Variants in TOP1 observed in about 807,000 individuals in gnomAD.
TOP1 encodes the protein DNA topoisomerase I, also known as DNA topoisomerase 1.
Under a neutral mutation model 111.1 loss-of-function variants are expected in TOP1, and 10 were observed. The ratio of observed to expected loss-of-function variants is 0.09; its 90% confidence interval spans 0.06 to 0.15. The LOEUF is 0.15. TOP1 is among the 10% of genes least tolerant of loss of function. The probability of loss-of-function intolerance (pLI) is 1.00; values close to 1 mark genes in which losing one functional copy is unlikely to be tolerated. For missense variants in TOP1, 474 were observed against 926.7 expected, an observed-to-expected ratio of 0.51 and a Z score of 6.34; for synonymous variants, 271 against 302.9, an observed-to-expected ratio of 0.89 and a Z score of 1.10.
At chr20:41,072,474 C>G in intron 3 of TOP1, 1 of 985,430 alleles carries the variant, frequency 1.0e-6, no homozygotes, top group Non-Finnish European at 1.2e-6. Flanking sequence ...GCCTGACTGA[C>G]CCCACATTGA....
rs2145950078 is a variant in TOP1 at position 41,098,351 on chromosome 20, T to C, written c.975+14T>C. ...GAAGAGAAACTGGTACTACAGAATT[T>C]ATTAAACCTCTGGAGAATTCTGGAA... On this transcript the variant is annotated intron_variant, in intron 11 of 20. Transcript: ENST00000361337. This position sits in a 1 kb window ranked among gnomAD's most constrained non-coding sequence, Gnocchi z 5.7. The C allele has an allele frequency of 6.2e-7, 1 of 1,607,782 alleles. No individual in the cohort carries two copies. The highest frequency in any genetic ancestry group is 2.2e-5 in the East Asian group (1 of 44,828).
intron 2 of TOP1, among the ~76,000 whole-genome samples, chr20:41,031,623 T>A (rs561021187): frequency 5.7e-4 from 87 of 152,342 alleles, no homozygotes; most frequent in African/African-American, 2.0e-3. Context: ...ATCATCTAAT[T>A]AAATGTAATC....
At chr20:41,059,338 T>C (rs1274213498) in intron 2 of TOP1, among the ~76,000 whole-genome samples, 1 of 151,444 alleles carries the variant, frequency 6.6e-6, no homozygotes, top group African/African-American at 2.4e-5. Flanking sequence ...AAAAATGGTG[T>C]TAGAACAACT....
chr20:41,093,035 A>G (rs1054564102), intron 9 of TOP1, among the ~76,000 whole-genome samples: 1 of 152,372 alleles, frequency 6.6e-6, no homozygotes, highest in African/African-American at 2.4e-5. Context: ...TCTGCCATCC[A>G]TCTCTAGATA....
intron 18 of TOP1, among the ~76,000 whole-genome samples, chr20:41,120,039 C>T (rs2145972067): frequency 6.6e-6 from 1 of 152,348 alleles, no homozygotes; most frequent in Admixed American, 6.5e-5. Flanking sequence ...CCCTCCAAAC[C>T]CAGGATTCCT....
At chr20:41,086,274 AAAG>A (rs2033847871) in intron 8 of TOP1, among the ~76,000 whole-genome samples, 1 of 151,718 alleles carries the variant, frequency 6.6e-6, no homozygotes, top group Admixed American at 6.6e-5. Context: ...AAAAAAAAAA[AAAG>A]AAAAAAAACC....
chr20:41,040,569 C>T (rs1434710837), intron 2 of TOP1, among the ~76,000 whole-genome samples: 1 of 152,092 alleles, frequency 6.6e-6, no homozygotes, highest in Non-Finnish European at 1.5e-5. Flanking sequence ...CAGGGCCAGG[C>T]ACCCCACACT....
rs190515367 is a variant in TOP1 at position 41,121,586 on chromosome 20, C to T, written c.1951-110C>T. On this transcript the variant is annotated intron_variant, in intron 18 of 20. Transcript: ENST00000361337. The surrounding 1 kb of genome is among the most constrained non-coding windows in gnomAD (Gnocchi z 4.2). ...GCCACCCTTGTTTTTTTTTATCTGA[C>T]AAACCACTGACAGAGACAGCCTGGT... 1.8e-5 allele frequency: 15 copies of T among 833,006 alleles called. No individual in the cohort carries two copies. The African/African-American group carries it at 2.2e-4, about 12-fold the overall frequency. The allele number at this position is 833,006 out of a possible 1,614,324, so 51.6% of individuals were successfully genotyped here.
At chr20:41,066,331 T>G (rs2033606488) in intron 3 of TOP1, among the ~76,000 whole-genome samples, 1 of 152,086 alleles carries the variant, frequency 6.6e-6, no homozygotes, top group Non-Finnish European at 1.5e-5. Context: ...TGATCTTGGC[T>G]AGGTTACTTA....
intron 18 of TOP1, among the ~76,000 whole-genome samples, chr20:41,120,351 T>G (rs2034402443): frequency 6.6e-6 from 1 of 152,234 alleles, no homozygotes; most frequent in African/African-American, 2.4e-5. Context: ...TTTCCAATCT[T>G]GGGCTGTGTG....
chr20:41,087,095 G>GT (rs1201842621), intron 8 of TOP1, among the ~76,000 whole-genome samples: 15 of 152,192 alleles, frequency 9.9e-5, no homozygotes, highest in Non-Finnish European at 1.5e-4. Flanking sequence ...TTCTTCCCTC[G>GT]TAAGTCCGCA....
At chr20:41,089,976 G>GTT (rs951843129) in intron 8 of TOP1, among the ~76,000 whole-genome samples, 2 of 150,788 alleles carry the variant, frequency 1.3e-5, no homozygotes, top group Non-Finnish European at 1.5e-5. Context: ...ACCCCCACGT[G>GTT]TTTTTTTTTG....
Position 41,078,527 on chromosome 20 carries a change from C to A in TOP1, c.335+890C>A, listed in dbSNP as rs1259048435. Among the ~76,000 whole-genome samples the A allele has an allele frequency of 6.6e-6, 1 of 152,116 alleles. No individual in the cohort carries two copies. Among genetic ancestry groups the A allele is most frequent in the Admixed American group, 6.5e-5 (1 of 15,282 alleles). On this transcript the variant is annotated intron_variant, in intron 5 of 20. Transcript: ENST00000361337. This position sits in a 1 kb window ranked among gnomAD's most constrained non-coding sequence, Gnocchi z 5.3. ...TTTAGACAAGGAGAAAAGCAGGTGC[C>A]CTCTTCAGGCATGTTTCATAATTGT...
chr20:41,053,999 G>T (rs1248892277), intron 2 of TOP1, among the ~76,000 whole-genome samples: 1 of 152,124 alleles, frequency 6.6e-6, no homozygotes, highest in Admixed American at 6.5e-5. Flanking sequence ...TTCAGAGATG[G>T]TAAAATGAGG....
intron 2 of TOP1, among the ~76,000 whole-genome samples, chr20:41,037,675 G>T (rs2033206477): frequency 6.6e-6 from 1 of 152,180 alleles, no homozygotes; most frequent in African/African-American, 2.4e-5. Context: ...TTCAGTAATG[G>T]CTCATAAGTC....
rs1031091176 is a variant in TOP1, at chr20:41,098,679, G to T, written c.975+342G>T. 7.3e-5 allele frequency: 13 copies of T among 177,774 alleles called. No homozygotes were observed. Among genetic ancestry groups the T allele is most frequent in the Non-Finnish European group, 2.4e-5 (2 of 84,184 alleles). 11.0% of individuals were successfully genotyped at this position (177,774 alleles called of 1,614,324 possible). On this transcript the variant is annotated intron_variant, in intron 11 of 20. Transcript: ENST00000361337. This position sits in a 1 kb window ranked among gnomAD's most constrained non-coding sequence, Gnocchi z 5.7. ...GATTTAAGACAGATGAAATCATATTGGCCATGTACCTCCCTGCTCTTTGAT... is the reference window on the plus strand; with the variant it reads ...GATTTAAGACAGATGAAATCATATTTGCCATGTACCTCCCTGCTCTTTGAT...
rs1337153328 is a variant in TOP1 at position 41,106,944 on chromosome 20, C to T, written c.1308+5591C>T. ...ATTATCCATAAAACCCTAACCCTTT[C>T]CCTAGTCAACAGCAGTCACAGCCAA... is the stretch of plus-strand genomic sequence containing the variant. On this transcript the variant is annotated intron_variant, in intron 13 of 20. Transcript: ENST00000361337. This position sits in a 1 kb window ranked among gnomAD's most constrained non-coding sequence, Gnocchi z 4.3. Among the ~76,000 whole-genome samples the T allele has an allele frequency of 6.6e-6, 1 of 152,104 alleles. No individual in the cohort carries two copies. Among genetic ancestry groups the T allele is most frequent in the African/African-American group, 2.4e-5 (1 of 41,434 alleles).
intron 4 of TOP1, among the ~76,000 whole-genome samples, chr20:41,076,912 A>G (rs887953129): frequency 5.3e-5 from 8 of 152,160 alleles, no homozygotes; most frequent in Non-Finnish European, 1.2e-4. Context: ...GTATTCTTCC[A>G]TAGATACTCT....
At chr20:41,117,682 G>A (rs1180460718) in intron 17 of TOP1, among the ~76,000 whole-genome samples, 1 of 152,030 alleles carries the variant, frequency 6.6e-6, no homozygotes, top group African/African-American at 2.4e-5. Context: ...ACCGCGCCCG[G>A]CCAAAATTTT....
Sources: allele counts gnomAD v4.1 joint callset (sites outside exome capture counted in the v4.1 genomes callset), GRCh38; gene constraint gnomAD v4.1.1; non-coding constraint Gnocchi (gnomAD v3.1); transcripts MANE v1.5; gene names NCBI Gene and HGNC (gene_info 2026-07-23, HGNC 2026-07-21).